Variants in CHML observed in about 807,000 individuals in gnomAD.
CHML encodes CHM like Rab escort protein.
A neutral mutation model predicts 30.4 loss-of-function variants in CHML; 20 were observed. The ratio of observed to expected loss-of-function variants is 0.66; its 90% CI spans 0.46 to 0.95. CHML has a LOEUF of 0.95. Among genes scored for constraint, CHML ranks in the 40% least tolerant of loss-of-function variants. CHML has a pLI of 0.00. For missense variants in CHML, 795 were observed against 768.5 expected (o/e 1.03, Z -0.41); for synonymous variants, 281 against 275.0 (o/e 1.02, Z -0.22).
In CHML at chr1:241,633,854, A is replaced by T; in HGVS notation, c.1913T>A (p.Leu638Gln). Residue 638 changes from leucine (L) to glutamine (Q), a missense_variant, in exon 2 of 2, where the codon CTA (leucine) becomes CAA (glutamine). Leu to Gln is a moderately radical substitution (Grantham distance 113, BLOSUM62 -2). Coordinates refer to ENST00000366553, the MANE Select transcript of CHML (RefSeq NM_001381853.1). ...PGTNNVVMAKLESSEESKNLE... is the reference protein window; with the variant it reads ...PGTNNVVMAKQESSEESKNLE... ...GTTTTTGCTTTCCTCAGAGGATTCTAGTTTGGCCATTACTACATTATTGGT... is the reference window on the plus strand; with the variant it reads ...GTTTTTGCTTTCCTCAGAGGATTCTTGTTTGGCCATTACTACATTATTGGT... 1.2e-6 allele frequency: 2 copies of T among 1,613,838 alleles called. No individual in the cohort carries two copies. Among genetic ancestry groups the T allele is most frequent in the Non-Finnish European group, 1.7e-6 (2 of 1,179,788 alleles).
chr1:241,636,675 C>T (rs1020309771), intron 1 of CHML, among the ~76,000 whole-genome samples: 1 of 151,962 alleles, frequency 6.6e-6, no homozygotes, highest in Non-Finnish European at 1.5e-5. Context: ...CATAATAGCC[C>T]TGAGGAGGAA....
chr1:241,634,377 A>G lies in CHML; in HGVS notation c.1390T>C (p.Ser464Pro). 1 of 1,613,926 alleles carries G rather than the reference A, an allele frequency of 6.2e-7. No individual in the cohort carries two copies. Among genetic ancestry groups the G allele is most frequent in the East Asian group, 2.2e-5 (1 of 44,878 alleles). ...ISRAVLITDQ[S>P]ILKTDLDQQT... Reference sequence around the variant, plus strand: ...TGATCTAAATCTGTCTTTAGTATAGACTGATCTGTAATGAGTACTGCCCTA... The same window carrying G: ...TGATCTAAATCTGTCTTTAGTATAGGCTGATCTGTAATGAGTACTGCCCTA... Residue 464 changes from serine to proline, a missense_variant, in exon 2 of 2, where the codon TCT becomes CCT. By Grantham distance (74) the Ser-to-Pro change is moderately conservative. Coordinates refer to ENST00000366553, the MANE Select transcript of CHML (RefSeq NM_001381853.1).
In CHML at chr1:241,634,419, G is replaced by T; in HGVS notation, c.1348C>A (p.Gln450Lys). 6.2e-7 allele frequency: 1 copy of T among 1,613,714 alleles called. No homozygotes were observed. The highest frequency in any genetic ancestry group is 1.1e-5 in the South Asian group (1 of 91,072). The change falls in exon 2 of 2, where the codon CAG becomes AAG. Residue 450 changes from glutamine to lysine, a missense_variant. Physicochemically the swap from Gln to Lys is moderately conservative, Grantham distance 53. Transcript: ENST00000366553. ...YLSEETCSNV[Q>K]YKQISRAVLI... ...ACTGCCCTAGAGATCTGCTTATACT[G>T]CACATTTGAGCATGTTTCCTCAGAA... is the stretch of plus-strand genomic sequence containing the variant.
chr1:241,634,566 A>T lies in CHML; in HGVS notation c.1201T>A (p.Cys401Ser), dbSNP rs1275348699. 1 of 1,613,900 alleles carries T rather than the reference A, an allele frequency of 6.2e-7. No homozygotes were observed. Among genetic ancestry groups the T allele is most frequent in the South Asian group, 1.1e-5 (1 of 91,078 alleles). Residue 401 changes from cysteine to serine, a missense_variant, in exon 2 of 2, where the codon TGT becomes AGT. Cys to Ser is a moderately radical substitution (Grantham distance 112). Coordinates refer to ENST00000366553, the MANE Select transcript of CHML (RefSeq NM_001381853.1). ...AAGCATTGTACTTTATGACGAAGAC[A>T]ATAGATTCCACCAAAAACTGCACAC... ...RMCAVFGGIY[C>S]LRHKVQCFVV...
In CHML at chr1:241,640,025, TGAGTGG is replaced by T. The variant is rs763205339; in HGVS notation, c.-457_-452del. On this transcript the variant is annotated 5_prime_UTR_variant, in exon 1 of 2. Transcript: ENST00000366553. ...GAGGCTGATGTTGACCAGGAGGAGG[TGAGTGG>T]GAGTGCGGAGCCGCTGGAACTTGTA... 1.2e-5 allele frequency: 19 copies of T among 1,612,346 alleles called. No homozygotes were observed. The highest frequency in any genetic ancestry group is 1.1e-5 in the South Asian group (1 of 90,972).
rs777149768 is a variant in CHML, at chr1:241,635,273, A to G, written c.494T>C (p.Ile165Thr). The part of the protein sequence containing the change: ...AKHTQKSDTE[I>T]SLEVTDVEES... ...CTCTACATCAGTTACTTCTAGTGAA[A>G]TCTCTGTATCACTTTTCTGAGTGTG... The change falls in exon 2 of 2, where the codon ATT becomes ACT. Residue 165 changes from isoleucine to threonine, a missense_variant. Transcript: ENST00000366553. 1 of 1,613,892 alleles carries G rather than the reference A, an allele frequency of 6.2e-7. No homozygotes were observed. The highest frequency in any genetic ancestry group is 1.1e-5 in the South Asian group (1 of 91,068).
Position 241,635,016 on chromosome 1 carries a change from A to G in CHML, c.751T>C (p.Ser251Pro). 3 of 1,613,480 alleles carry G rather than the reference A, an allele frequency of 1.9e-6. No individual in the cohort carries two copies. The South Asian group carries it at 3.3e-5, about 18-fold the overall frequency. Residue 251 changes from serine (S) to proline (P), a missense_variant, in exon 2 of 2, where the codon TCA becomes CCA. Transcript: ENST00000366553. Reference sequence around the variant, plus strand: ...AATTCTACATAACGACTAACATCTGATTTGATTAAAAGATCAATTAGCAAT... The same window carrying G: ...AATTCTACATAACGACTAACATCTGGTTTGATTAAAAGATCAATTAGCAAT... ...QGLLIDLLIK[S>P]DVSRYVEFKN...
chr1:241,636,018 T>C lies in CHML; in HGVS notation c.-252A>G. The C allele has an allele frequency of 1.0e-5, 5 of 486,006 alleles. No homozygotes were observed. Among genetic ancestry groups the C allele is most frequent in the Non-Finnish European group, 1.4e-5 (4 of 276,550 alleles). The allele number at this position is 486,006 out of a possible 1,614,324, so 30.1% of individuals were successfully genotyped here. ...TGTGTGGTTTCATTTCTGCATTTCA[T>C]CTTAGCAGTAAATGTCAAAATGCAT... On this transcript the variant is annotated 5_prime_UTR_variant, in exon 2 of 2. An upstream start codon of the reference 5' UTR is lost. Transcript: ENST00000366553.
In CHML at chr1:241,640,128, G is replaced by C. The variant is rs2148034968; in HGVS notation, c.-554C>G. The C allele has an allele frequency of 6.3e-7, 1 of 1,596,746 alleles. No individual in the cohort carries two copies. Among genetic ancestry groups the C allele is most frequent in the Non-Finnish European group, 8.5e-7 (1 of 1,173,052 alleles). On this transcript the variant is annotated 5_prime_UTR_variant, in exon 1 of 2. Coordinates refer to ENST00000366553, the MANE Select transcript of CHML (RefSeq NM_001381853.1). ...ATGGAGCCCAGCAGCAGCGCCAGGC[G>C]CTCGTAGGTGCCGGGGCTGAAGAGG...
rs755216211 is a variant in CHML, at chr1:241,639,865, C to T, written c.-308+17G>A. 1.3e-6 allele frequency: 2 copies of T among 1,526,942 alleles called. No homozygotes were observed. Among genetic ancestry groups the T allele is most frequent in the Admixed American group, 2.0e-5 (1 of 50,886 alleles). 94.6% of individuals were successfully genotyped at this position (1,526,942 alleles called of 1,614,324 possible). Reference sequence around the variant, plus strand: ...AAGTTTGCAGAGGGGAGGCTGCCTTCTCCCAGTCCAACTCACCGAAGAGGC... The same window carrying T: ...AAGTTTGCAGAGGGGAGGCTGCCTTTTCCCAGTCCAACTCACCGAAGAGGC... On this transcript the variant is annotated intron_variant, in intron 1 of 1. Coordinates refer to ENST00000366553, the MANE Select transcript of CHML (RefSeq NM_001381853.1).
chr1:241,636,966 A>T lies in CHML; in HGVS notation c.-307-893T>A, dbSNP rs191115897. ...TTGAAGGGGAAGTTTAAAAAAAAAA[A>T]AATAATAAGGTTCTCCTGTTAACTT... On this transcript the variant is annotated intron_variant, in intron 1 of 1. Transcript: ENST00000366553. Among the ~76,000 whole-genome samples, 1,014 of 151,860 alleles carry T rather than the reference A, an allele frequency of 6.7e-3. 8 individuals carry two copies. Among genetic ancestry groups the T allele is most frequent in the African/African-American group, 0.023 (963 of 41,404 alleles).
chr1:241,628,882 AT>A lies in CHML; in HGVS notation c.*4913del, dbSNP rs971415635. ...AAACCACTTTACCAATTAATCTTTT[AT>A]TTTTTATTGCATACATCAATATTTA... On this transcript the variant is annotated 3_prime_UTR_variant, in exon 2 of 2. Transcript: ENST00000366553. 2.6e-5 allele frequency: 4 copies of A among 152,548 alleles called. No homozygotes were observed. The highest frequency in any genetic ancestry group is 1.3e-4 in the Admixed American group (2 of 15,264). 9.4% of individuals were successfully genotyped at this position (152,548 alleles called of 1,614,324 possible).
chr1:241,633,954 C>G lies in CHML; in HGVS notation c.1813G>C (p.Glu605Gln), dbSNP rs534065519. ...GGATTTGGAGGTGGAGGGCAGAATTCTTCAGTTGGAAAGATCTCCTGGAAA... is the reference window on the plus strand; with the variant it reads ...GGATTTGGAGGTGGAGGGCAGAATTGTTCAGTTGGAAAGATCTCCTGGAAA... ...TLFQEIFPTE[E>Q]FCPPPPNPED... is the part of the protein sequence containing the mutation. The change falls in exon 2 of 2, where the codon GAA becomes CAA. Residue 605 changes from glutamate (E) to glutamine (Q), a missense_variant. Glu to Gln is a conservative substitution (Grantham distance 29). Transcript: ENST00000366553. The G allele has an allele frequency of 1.9e-6, 3 of 1,613,878 alleles. 1 individual carries two copies. In the South Asian group the frequency reaches 3.3e-5, roughly 18 times the overall value.
In CHML at chr1:241,633,907, A is replaced by C. The variant is rs1664753515; in HGVS notation, c.1860T>G (p.Gly620=). 6.2e-7 allele frequency: 1 copy of C among 1,613,682 alleles called. No homozygotes were observed. The highest frequency in any genetic ancestry group is 1.1e-5 in the South Asian group (1 of 91,062). Residue 620 remains glycine, a synonymous_variant, in exon 2 of 2, where the codon GGT becomes GGG. Transcript: ENST00000366553. ...PPNPEDIIFD[G]DDKQPEAPGT... is the part of the protein sequence containing the mutation. ...CAGGAGCCTCTGGCTGCTTATCATC[A>C]CCATCAAAGATAATGTCTTCTGGAT...
At position 241,635,286 on chromosome 1, in the gene CHML, T is replaced by G; in HGVS notation, c.481A>C (p.Ser161Arg). The G allele has an allele frequency of 1.9e-6, 3 of 1,613,984 alleles. No individual in the cohort carries two copies. The highest frequency in any genetic ancestry group is 2.5e-6 in the Non-Finnish European group (3 of 1,179,918). The change falls in exon 2 of 2, where the codon AGT becomes CGT. Residue 161 changes from serine (S) to arginine (R), a missense_variant. Physicochemically the swap from Ser to Arg is moderately radical, Grantham distance 110. Coordinates refer to ENST00000366553, the MANE Select transcript of CHML (RefSeq NM_001381853.1). Reference sequence around the variant, plus strand: ...ACTTCTAGTGAAATCTCTGTATCACTTTTCTGAGTGTGTTTTGCAGGCATT... The same window carrying G: ...ACTTCTAGTGAAATCTCTGTATCACGTTTCTGAGTGTGTTTTGCAGGCATT... ...DEMPAKHTQK[S>R]DTEISLEVTD...
chr1:241,640,140 C>CG lies in CHML; in HGVS notation c.-567dup. ...AGCAGCGCCAGGCGCTCGTAGGTGCCGGGGCTGAAGAGGGGCGCGGGGCTC... is the reference window on the plus strand; with the variant it reads ...AGCAGCGCCAGGCGCTCGTAGGTGCCGGGGGCTGAAGAGGGGCGCGGGGCTC... On this transcript the variant is annotated 5_prime_UTR_variant, in exon 1 of 2. An upstream open reading frame in the 5' UTR gains an earlier in-frame stop. Transcript: ENST00000366553. 1 of 1,575,562 alleles carries CG rather than the reference C, an allele frequency of 6.3e-7. No individual in the cohort carries two copies. Among genetic ancestry groups the CG allele is most frequent in the Non-Finnish European group, 8.6e-7 (1 of 1,163,036 alleles).
At position 241,634,927 on chromosome 1, in the gene CHML, T is replaced by A; in HGVS notation, c.840A>T (p.Arg280Ser). ...EGKVEQVPCS[R>S]ADVFNSKELT... ...GTTCCTTGCTATTAAAGACATCTGC[T>A]CTGGAACAAGGAACTTGTTCTACCT... The change falls in exon 2 of 2, where the codon AGA becomes AGT. Residue 280 changes from arginine to serine, a missense_variant. By Grantham distance (110) the Arg-to-Ser change is moderately radical. Transcript: ENST00000366553. 6.2e-7 allele frequency: 1 copy of A among 1,612,766 alleles called. No individual in the cohort carries two copies. The highest frequency in any genetic ancestry group is 8.5e-7 in the Non-Finnish European group (1 of 1,179,570).
chr1:241,633,553 T>A lies in CHML; in HGVS notation c.*243A>T, dbSNP rs1664733733. 1 of 501,302 alleles carries A rather than the reference T, an allele frequency of 2.0e-6. No individual in the cohort carries two copies. The highest frequency in any genetic ancestry group is 3.8e-5 in the Admixed American group (1 of 26,074). The allele number at this position is 501,302 out of a possible 1,614,324, so 31.1% of individuals were successfully genotyped here. On this transcript the variant is annotated 3_prime_UTR_variant, in exon 2 of 2. Transcript: ENST00000366553. ...TACCCAATACTAAAATAAAGCTAAC[T>A]CTGTTTTAAGATTCTGGGTCATATA... is the stretch of plus-strand genomic sequence containing the variant.
intron 1 of CHML, among the ~76,000 whole-genome samples, chr1:241,637,790 G>C (rs979927019): frequency 2.6e-5 from 4 of 152,218 alleles, no homozygotes; most frequent in African/African-American, 7.2e-5. Flanking sequence ...CAATGCATGA[G>C]TCGCAGGATA....
Sources: allele counts gnomAD v4.1 joint callset (sites outside exome capture counted in the v4.1 genomes callset), GRCh38; gene constraint gnomAD v4.1.1; transcripts MANE v1.5; gene names NCBI Gene and HGNC (gene_info 2026-07-23, HGNC 2026-07-21).